The following ABI3BP variants were observed in gnomAD, a reference collection of about 807,000 sequenced individuals.
The protein encoded by ABI3BP is target of Nesh-SH3.
ABI3BP carries 216 observed loss-of-function variants against 268.6 expected under a neutral mutation model. The observed-to-expected ratio is 0.80, with a 90% CI of 0.72 to 0.90. The LOEUF is 0.90. Among genes scored for constraint, ABI3BP ranks in the 40% least tolerant of loss-of-function variants. ABI3BP has a pLI of 0.00. For synonymous variants in ABI3BP, 730 were observed against 730.0 expected (o/e 1.00, Z 0.00); for missense variants, 2,090 against 2,182.4 (o/e 0.96, Z 0.84).
Position 100,846,372 on chromosome 3 carries a change from C to A in ABI3BP, c.1723G>T (p.Ala575Ser), listed in dbSNP as rs2152987295. ...ATTCAAAAAAGTTTAGGGTAATTAC[C>A]AGGTTTGGTGTGTGTCACTTCTGGG... ...LSPEVTHTKP[A>S]PEPQTLLPSQ... The change falls in exon 20 of 68, where the codon GCC (alanine) becomes TCC (serine). Residue 575 changes from alanine to serine, a missense_variant and splice_region_variant. By Grantham distance (99) the Ala-to-Ser change is moderately conservative. Coordinates refer to ENST00000471714, the MANE Select transcript of ABI3BP (RefSeq NM_001375547.2). 6.3e-7 allele frequency: 1 copy of A among 1,577,636 alleles called. No homozygotes were observed.
intron 6 of ABI3BP, among the ~76,000 whole-genome samples, chr3:100,883,206 T>C (rs1253935588): frequency 7.6e-6 from 1 of 132,270 alleles, no homozygotes; most frequent in Non-Finnish European, 1.7e-5. Context: ...CTTATAAAAC[T>C]AAAAGAAAGG....
intron 61 of ABI3BP, 106 bp from the exon 62 acceptor site, chr3:100,771,058 C>T (rs898660673): frequency 9.0e-5 from 94 of 1,039,514 alleles, no homozygotes; most frequent in African/African-American, 8.6e-4. Context: ...ATATTATAAG[C>T]GGATGGTTGA....
chr3:100,769,574 A>G (rs1056446557), intron 62 of ABI3BP, among the ~76,000 whole-genome samples: 2 of 152,254 alleles, frequency 1.3e-5, no homozygotes, highest in African/African-American at 4.8e-5. Flanking sequence ...ATGAAATTTT[A>G]TAGATCATTT....
intron 4 of ABI3BP, among the ~76,000 whole-genome samples, chr3:100,891,605 G>A (rs1446741863): frequency 6.6e-6 from 1 of 152,170 alleles, no homozygotes; most frequent in Non-Finnish European, 1.5e-5. Flanking sequence ...AAGTCAGTGT[G>A]ACCAGAATTT....
chr3:100,830,250 A>AGAT (rs1423886037), intron 32 of ABI3BP, among the ~76,000 whole-genome samples: 5 of 149,744 alleles, frequency 3.3e-5, no homozygotes, highest in African/African-American at 1.2e-4. Context: ...TACTCAGTCT[A>AGAT]GATCAGGGAC....
chr3:100,927,947 CTT>C (rs200729558), intron 1 of ABI3BP, among the ~76,000 whole-genome samples: 144 of 138,790 alleles, frequency 1.0e-3, no homozygotes, highest in African/African-American at 3.4e-3. Flanking sequence ...TTTTTTGTGT[CTT>C]TTTTTTTTTT....
chr3:100,859,108 C>T (rs181555606), intron 14 of ABI3BP, among the ~76,000 whole-genome samples: 458 of 152,280 alleles, frequency 3.0e-3, no homozygotes, highest in Non-Finnish European at 4.7e-3. Flanking sequence ...TCTAAGAGAT[C>T]CCCCAGTTTA....
At chr3:100,900,212 A>G (rs1327750809) in intron 3 of ABI3BP, among the ~76,000 whole-genome samples, 1 of 152,144 alleles carries the variant, frequency 6.6e-6, no homozygotes, top group Non-Finnish European at 1.5e-5. Context: ...GCCTTATATG[A>G]TGGTGATTTA....
At chr3:100,951,681 C>A (rs1005476469) in intron 1 of ABI3BP, among the ~76,000 whole-genome samples, 3 of 151,928 alleles carry the variant, frequency 2.0e-5, no homozygotes, top group Non-Finnish European at 4.4e-5. Flanking sequence ...TTTATATACA[C>A]CTTGCTCAAA....
chr3:100,826,745 C>T (rs1407467095), intron 34 of ABI3BP, among the ~76,000 whole-genome samples: 3 of 152,038 alleles, frequency 2.0e-5, no homozygotes, highest in African/African-American at 7.3e-5. Context: ...ACTCAAGAGG[C>T]TGGGTAAGGG....
At chr3:100,967,836 C>T (rs2081964750) in intron 1 of ABI3BP, among the ~76,000 whole-genome samples, 1 of 152,122 alleles carries the variant, frequency 6.6e-6, no homozygotes, top group African/African-American at 2.4e-5. Flanking sequence ...AGATCAGCCT[C>T]ATCTTCATAA....
In ABI3BP at chr3:100,900,796, A is replaced by G. The variant is rs139223064; in HGVS notation, c.328+1822T>C. Among the ~76,000 whole-genome samples the G allele has an allele frequency of 4.3e-3, 648 of 152,366 alleles. 4 individuals carry two copies. The highest frequency in any genetic ancestry group is 0.014 in the African/African-American group (601 of 41,584). ...TCCGCTATCCAAAAAGAAAGGTGGG[A>G]TGTTATATCCTGAGCAAGATGAAGC... On this transcript the variant is annotated intron_variant, in intron 3 of 67. Coordinates refer to ENST00000471714, the MANE Select transcript of ABI3BP (RefSeq NM_001375547.2).
rs2095338254 is a variant in ABI3BP, at chr3:100,751,738, AATC to A, written c.5123-67_5123-65del. 14 of 1,457,550 alleles carry A rather than the reference AATC, an allele frequency of 9.6e-6. No individual in the cohort carries two copies. In the South Asian group the frequency reaches 1.9e-4, roughly 20 times the overall value. 90.3% of individuals were successfully genotyped at this position (1,457,550 alleles called of 1,614,324 possible). A position where few individuals can be genotyped will look rare whatever the true frequency, so the allele number is the denominator to read the frequency against. ...TTACTTTGAAATGTGACAATTTTGA[AATC>A]ATCATTACTGTTTTTGTACTTTCTC... On this transcript the variant is annotated intron_variant, in intron 66 of 67. Coordinates refer to ENST00000471714, the MANE Select transcript of ABI3BP (RefSeq NM_001375547.2).
intron 14 of ABI3BP, among the ~76,000 whole-genome samples, chr3:100,857,793 A>G (rs57420976): frequency 6.6e-6 from 1 of 152,352 alleles, no homozygotes; most frequent in African/African-American, 2.4e-5. Context: ...AAGATAAAAG[A>G]CAATAATTCT....
At chr3:100,846,333 C>T in intron 20 of ABI3BP, 39 bp downstream of exon 20, 1 of 1,354,526 alleles carries the variant, frequency 7.4e-7, no homozygotes, top group Non-Finnish European at 1.0e-6. Flanking sequence ...TGTTTTCAAC[C>T]CCACTTTTGG....
intron 28 of ABI3BP, 79 bp downstream of exon 28, chr3:100,835,522 C>A (rs142292079): frequency 1.8e-6 from 2 of 1,108,856 alleles, no homozygotes; most frequent in South Asian, 1.5e-5. Context: ...AAAGAAAAAA[C>A]CCTTAGCCCA....
chr3:100,873,362 A>G (rs1192056283), intron 9 of ABI3BP, among the ~76,000 whole-genome samples: 1 of 152,178 alleles, frequency 6.6e-6, no homozygotes, highest in Non-Finnish European at 1.5e-5. Context: ...AAACAAGAAA[A>G]AGACATCAAC....
chr3:100,970,705 GT>G (rs1258172248), intron 1 of ABI3BP, among the ~76,000 whole-genome samples: 1 of 152,200 alleles, frequency 6.6e-6, no homozygotes, highest in Non-Finnish European at 1.5e-5. Flanking sequence ...TCGCAGGGTA[GT>G]TCCACCAGGA....
Position 100,753,857 on chromosome 3 carries a change from A to G in ABI3BP, c.4931-9T>C. 1.2e-6 allele frequency: 2 copies of G among 1,606,626 alleles called. No homozygotes were observed. The highest frequency in any genetic ancestry group is 1.7e-6 in the Non-Finnish European group (2 of 1,176,556). ...ACTCACTCTTGGGTCCGCTGAGGAG[A>G]AATAAATAGAAAAGTCAGACCTTAC... is the stretch of plus-strand genomic sequence containing the variant. On this transcript the variant is annotated splice_polypyrimidine_tract_variant and intron_variant, in intron 64 of 67. Transcript: ENST00000471714.
Sources: gnomAD v4.1 joint callset for allele counts (sites outside exome capture counted in the v4.1 genomes callset) on GRCh38, gnomAD v4.1.1 for gene constraint, MANE v1.5 for transcripts, NCBI Gene and HGNC (gene_info 2026-07-23, HGNC 2026-07-21) for gene names.